The following CSMD1 variants were observed in gnomAD, a reference collection of about 807,000 sequenced individuals.
CSMD1 encodes CUB and sushi domain-containing protein 1.
CSMD1 carries 213 observed loss-of-function variants against 417.5 expected under a neutral mutation model. That is an observed-to-expected ratio of 0.51 (90% CI 0.46 to 0.57). CSMD1 has a LOEUF of 0.57. Among genes scored for constraint, CSMD1 ranks in the 20% least tolerant of loss-of-function variants. CSMD1 has a pLI of 0.00. For missense variants in CSMD1, 6,923 were observed against 4,529.7 expected, an observed-to-expected ratio of 1.53 and a Z score of -15.17; for synonymous variants, 2,862 against 1,736.8, an observed-to-expected ratio of 1.65 and a Z score of -16.11.
intron 5 of CSMD1, among the ~76,000 whole-genome samples, chr8:3,844,927 C>T (rs1196979316): frequency 6.6e-6 from 1 of 152,106 alleles, no homozygotes; most frequent in African/African-American, 2.4e-5. Context: ...AAACTGCCAT[C>T]AGAATGCTTG....
At chr8:3,425,700 T>C (rs1038708966) in intron 12 of CSMD1, among the ~76,000 whole-genome samples, 1 of 152,130 alleles carries the variant, frequency 6.6e-6, no homozygotes, top group Non-Finnish European at 1.5e-5. Flanking sequence ...TAGTGCATTC[T>C]GCCCTGAAGA....
chr8:4,793,475 C>T (rs999444250), intron 1 of CSMD1, among the ~76,000 whole-genome samples: 1 of 152,090 alleles, frequency 6.6e-6, no homozygotes, highest in South Asian at 2.1e-4. Flanking sequence ...CTCTCCTCCC[C>T]ACCATCTCCC....
rs1356792962 is a variant in CSMD1 at position 4,591,423 on chromosome 8, C to T, written c.302+45919G>A. Among the ~76,000 whole-genome samples, 3 of 152,130 alleles carry T rather than the reference C, an allele frequency of 2.0e-5. No homozygotes were observed. In the East Asian group the frequency reaches 5.8e-4, roughly 29 times the overall value. On this transcript the variant is annotated intron_variant, in intron 2 of 69. Coordinates refer to ENST00000635120, the MANE Select transcript of CSMD1 (RefSeq NM_033225.6). Reference sequence around the variant, plus strand: ...GGAGAAGGGATGAAAGAAAAGCATTCCAAACAGAAATGAGCAAAGCTGTTG... The same window carrying T: ...GGAGAAGGGATGAAAGAAAAGCATTTCAAACAGAAATGAGCAAAGCTGTTG...
At chr8:4,204,697 C>A (rs1477483184) in intron 3 of CSMD1, among the ~76,000 whole-genome samples, 2 of 152,152 alleles carry the variant, frequency 1.3e-5, no homozygotes, top group East Asian at 3.9e-4. Flanking sequence ...CTCTGTCACC[C>A]AGGCTGGAAT....
Position 4,890,456 on chromosome 8 carries a change from G to A in CSMD1, c.85+103876C>T, listed in dbSNP as rs192438407. Among the ~76,000 whole-genome samples, 223 of 147,896 alleles carry A rather than the reference G, an allele frequency of 1.5e-3. 3 individuals are homozygous for A. Among genetic ancestry groups the A allele is most frequent in the African/African-American group, 5.5e-3 (220 of 39,790 alleles). On this transcript the variant is annotated intron_variant, in intron 1 of 69. Transcript: ENST00000635120. The stretch of plus-strand genomic sequence containing the variant: ...CCTCCCGCAGGACAGGTGAGAACGT[G>A]ACTCTGACACCCTCTTCTGCTTCAG...
At chr8:4,665,822 T>C (rs1256813884) in intron 1 of CSMD1, among the ~76,000 whole-genome samples, 3 of 152,232 alleles carry the variant, frequency 2.0e-5, no homozygotes, top group Admixed American at 6.5e-5. Flanking sequence ...TAAATATTTA[T>C]GTAAAAGTCT....
intron 3 of CSMD1, among the ~76,000 whole-genome samples, chr8:4,373,525 G>A (rs1241648808): frequency 6.6e-6 from 1 of 152,020 alleles, no homozygotes; most frequent in African/African-American, 2.4e-5. Flanking sequence ...CAGAACTACT[G>A]CATTATTCCT....
At chr8:4,928,968 G>A (rs1807056994) in intron 1 of CSMD1, among the ~76,000 whole-genome samples, 1 of 152,092 alleles carries the variant, frequency 6.6e-6, no homozygotes, top group Non-Finnish European at 1.5e-5. Context: ...CTACTTGGAA[G>A]GCTGAAGCAT....
chr8:4,607,510 G>C lies in CSMD1; in HGVS notation c.302+29832C>G, dbSNP rs75262703. 6.1e-3 allele frequency among the ~76,000 whole-genome samples: 935 copies of C among 152,220 alleles called. 80 individuals are homozygous for C. In the East Asian group the frequency reaches 0.16, roughly 26 times the overall value. On this transcript the variant is annotated intron_variant, in intron 2 of 69. Transcript: ENST00000635120. The stretch of plus-strand genomic sequence containing the variant: ...CCAGGGTGTGTGCCAAGCTGGCTAA[G>C]ACAAACTGGATTCAACATGGTGCTG...
chr8:3,851,141 G>C (rs762356204), intron 5 of CSMD1, among the ~76,000 whole-genome samples: 2 of 152,160 alleles, frequency 1.3e-5, no homozygotes, highest in Non-Finnish European at 2.9e-5. Flanking sequence ...TAAGATTTCT[G>C]AGGAGCTAAT....
At chr8:3,834,015 A>C (rs1030627500) in intron 5 of CSMD1, among the ~76,000 whole-genome samples, 2 of 152,156 alleles carry the variant, frequency 1.3e-5, no homozygotes, top group Non-Finnish European at 2.9e-5. Context: ...TTAAGGATTT[A>C]AATATTTAAC....
intron 1 of CSMD1, among the ~76,000 whole-genome samples, chr8:4,714,103 C>A (rs1226207991): frequency 6.6e-6 from 1 of 152,062 alleles, no homozygotes; most frequent in East Asian, 1.9e-4. Flanking sequence ...CAAGATCATG[C>A]CATTGCACTC....
chr8:3,726,354 C>CA (rs1322870432), intron 6 of CSMD1, among the ~76,000 whole-genome samples: 6 of 152,170 alleles, frequency 3.9e-5, no homozygotes, highest in African/African-American at 1.4e-4. Flanking sequence ...TTATTTGTAG[C>CA]AATAGAACTA....
rs1585502676 is a variant in CSMD1, at chr8:3,156,097, A to G, written c.5914+1800T>C. Among the ~76,000 whole-genome samples, 4 of 152,374 alleles carry G rather than the reference A, an allele frequency of 2.6e-5. No homozygotes were observed. In the East Asian group the frequency reaches 7.7e-4, roughly 29 times the overall value. ...CACTACGCCGAAATGAATTCTAAAC[A>G]GAATGTGAATAGCTCCCAGGACAAT... On this transcript the variant is annotated intron_variant, in intron 39 of 69. Transcript: ENST00000635120.
intron 6 of CSMD1, among the ~76,000 whole-genome samples, chr8:3,732,539 T>A (rs1333694992): frequency 6.6e-6 from 1 of 152,184 alleles, no homozygotes; most frequent in Non-Finnish European, 1.5e-5. Flanking sequence ...CTGTATAATT[T>A]CTTAGTACAT....
intron 3 of CSMD1, among the ~76,000 whole-genome samples, chr8:4,088,605 C>G (rs1168388774): frequency 1.3e-5 from 2 of 152,168 alleles, no homozygotes; most frequent in African/African-American, 4.8e-5. Flanking sequence ...TATTCTCTCT[C>G]TCTCCCCTTC....
chr8:3,768,739 C>T (rs185950675), intron 5 of CSMD1, among the ~76,000 whole-genome samples: 32 of 152,212 alleles, frequency 2.1e-4, no homozygotes, highest in Non-Finnish European at 3.5e-4. Context: ...GCAAACCAAA[C>T]GGATGTATCC....
intron 5 of CSMD1, among the ~76,000 whole-genome samples, chr8:3,844,114 T>C (rs762567010): frequency 3.9e-5 from 6 of 152,194 alleles, no homozygotes; most frequent in African/African-American, 7.2e-5. Flanking sequence ...ATTTTTATTA[T>C]ATACATAAGA....
chr8:4,273,067 T>G (rs1395811056), intron 3 of CSMD1, among the ~76,000 whole-genome samples: 1 of 152,186 alleles, frequency 6.6e-6, no homozygotes, highest in African/African-American at 2.4e-5. Context: ...TGCCATCATT[T>G]GATTTTTGAG....
Sources: allele counts gnomAD v4.1 joint callset (sites outside exome capture counted in the v4.1 genomes callset), GRCh38; gene constraint gnomAD v4.1.1; transcripts MANE v1.5; gene names NCBI Gene and HGNC (gene_info 2026-07-23, HGNC 2026-07-21).